Variants in CALD1 observed in about 807,000 individuals in gnomAD.
The protein encoded by CALD1 is caldesmon.
In CALD1, 33 loss-of-function variants were observed where a neutral mutation model predicts 99.9. The observed-to-expected ratio is 0.33, with a 90% CI of 0.25 to 0.44. CALD1 has a LOEUF of 0.44. CALD1 is among the 20% of genes least tolerant of loss of function. The pLI, the probability that CALD1 is intolerant of heterozygous loss-of-function variation, is 1.00. For missense variants in CALD1, 861 were observed against 962.1 expected, an observed-to-expected ratio of 0.89 and a Z score of 1.39; for synonymous variants, 310 against 325.0, an observed-to-expected ratio of 0.95 and a Z score of 0.50.
the CALD1 span, among the ~76,000 whole-genome samples, chr7:134,727,765 C>G: frequency 1.3e-5 from 2 of 152,172 alleles, no homozygotes; most frequent in African/African-American, 4.8e-5. Context: ...CTCCTGACTT[C>G]TCACATAGTA....
At chr7:134,956,706 G>A (rs1184001404) in intron 9 of CALD1, among the ~76,000 whole-genome samples, 3 of 152,142 alleles carry the variant, frequency 2.0e-5, no homozygotes, top group East Asian at 1.9e-4. Context: ...AAACATACTA[G>A]CCTAGGGCAA....
intron 3 of CALD1, among the ~76,000 whole-genome samples, chr7:134,886,482 T>C (rs1199587500): frequency 6.6e-6 from 1 of 152,224 alleles, no homozygotes; most frequent in Non-Finnish European, 1.5e-5. Flanking sequence ...AAAATGATGT[T>C]AGGATGTGTT....
At chr7:134,770,485 C>T (rs1029043220) in intron 1 of CALD1, among the ~76,000 whole-genome samples, 1 of 152,082 alleles carries the variant, frequency 6.6e-6, no homozygotes, top group Non-Finnish European at 1.5e-5. Flanking sequence ...TTCTAGGGGT[C>T]ACTGGCAAGC....
intron 1 of CALD1, among the ~76,000 whole-genome samples, chr7:134,787,593 C>T (rs1797355401): frequency 6.6e-6 from 1 of 152,140 alleles, no homozygotes; most frequent in Admixed American, 6.5e-5. Flanking sequence ...AGATGCTTCC[C>T]TGGGTGGCCC....
intron 7 of CALD1, among the ~76,000 whole-genome samples, chr7:134,943,352 G>A (rs1272024135): frequency 6.6e-6 from 1 of 152,152 alleles, no homozygotes; most frequent in Non-Finnish European, 1.5e-5. Flanking sequence ...TCCACATTAA[G>A]TGGCACCCTA....
At chr7:134,936,744 C>T (rs1465256243) in intron 6 of CALD1, among the ~76,000 whole-genome samples, 1 of 151,954 alleles carries the variant, frequency 6.6e-6, no homozygotes, top group Non-Finnish European at 1.5e-5. Context: ...AAATGAAAAC[C>T]CCTAGTTCAT....
chr7:134,967,303 G>C (rs2718144), intron 14 of CALD1, among the ~76,000 whole-genome samples: 106,230 of 151,848 alleles, frequency 0.7, 37,639 homozygotes, highest in African/African-American at 0.8. Flanking sequence ...CCACCAGACC[G>C]AGAACTGAGT....
At chr7:134,801,085 C>A (rs916108772) in intron 1 of CALD1, among the ~76,000 whole-genome samples, 1 of 151,954 alleles carries the variant, frequency 6.6e-6, no homozygotes, top group Non-Finnish European at 1.5e-5. Context: ...TCTTCTTTCC[C>A]ATGTGTATTC....
chr7:134,815,219 A>C (rs1798514496), intron 1 of CALD1, among the ~76,000 whole-genome samples: 1 of 151,992 alleles, frequency 6.6e-6, no homozygotes, highest in African/African-American at 2.4e-5. Flanking sequence ...AACCCAACAC[A>C]CACTAATATG....
chr7:134,933,905 A>G lies in CALD1; in HGVS notation c.1136A>G (p.Glu379Gly). Residue 379 changes from glutamate to glycine, a missense_variant, in exon 5 of 15, where the codon GAG (glutamate) becomes GGG (glycine). Physicochemically the swap from Glu to Gly is moderately conservative, Grantham distance 98. Transcript: ENST00000361675. ...CAAAGGGCCAGGGCAGAGGAGGAAG[A>G]GAAGGCTAAGGTAGAAGAGCAGAAA... ...ERQRARAEEE[E>G]KAKVEEQKRN... 6.2e-7 allele frequency: 1 copy of G among 1,614,000 alleles called. No individual in the cohort carries two copies. The highest frequency in any genetic ancestry group is 8.5e-7 in the Non-Finnish European group (1 of 1,179,896).
At chr7:134,746,231 C>T (rs1712402604) in intron 1 of CALD1, among the ~76,000 whole-genome samples, 1 of 152,138 alleles carries the variant, frequency 6.6e-6, no homozygotes, top group South Asian at 2.1e-4. Flanking sequence ...AGGGCCAATT[C>T]CCTCATGAAT....
intron 3 of CALD1, among the ~76,000 whole-genome samples, chr7:134,917,721 TA>T (rs1021423514): frequency 6.6e-6 from 1 of 152,190 alleles, no homozygotes; most frequent in African/African-American, 2.4e-5. Context: ...GAAGAAAAGG[TA>T]AAGTTCATGA....
Position 134,960,539 on chromosome 7 carries a change from G to T in CALD1, c.2206G>T (p.Ala736Ser). The change falls in exon 13 of 15, where the codon GCT becomes TCT. Residue 736 changes from alanine to serine, a missense_variant. Around this residue, in one of 5 missense-constraint regions of CALD1, gnomAD observed 190 missense variants for 249.0 expected, o/e 0.76. Transcript: ENST00000361675. ...TAAGTPNKETAGLKVGVSSRI... is the reference protein window; with the variant it reads ...TAAGTPNKETSGLKVGVSSRI... ...GATGATTGCCCCTTTGTAGGAAACT[G>T]CTGGCTTGAAGGTAGGGGTTTCTAG... 1.9e-6 allele frequency: 3 copies of T among 1,608,558 alleles called. No homozygotes were observed. The highest frequency in any genetic ancestry group is 2.6e-6 in the Non-Finnish European group (3 of 1,175,038).
chr7:134,859,615 A>G (rs974529249), intron 2 of CALD1, among the ~76,000 whole-genome samples: 6 of 152,220 alleles, frequency 3.9e-5, no homozygotes, highest in Admixed American at 1.3e-4. Flanking sequence ...ACTGATTTGT[A>G]GTGGTTAAGG....
intron 2 of CALD1, among the ~76,000 whole-genome samples, chr7:134,867,449 C>A (rs576803847): frequency 6.6e-6 from 1 of 152,232 alleles, no homozygotes; most frequent in South Asian, 2.1e-4. Flanking sequence ...CTCTCTGTCT[C>A]CGGAGGTCTT....
At chr7:134,803,220 C>T (rs73446180) in intron 1 of CALD1, among the ~76,000 whole-genome samples, 39 of 152,150 alleles carry the variant, frequency 2.6e-4, no homozygotes, top group African/African-American at 9.2e-4. Flanking sequence ...CTTGCCCAAT[C>T]TTTAAATTAA....
chr7:134,968,119 C>G (rs541469398), intron 14 of CALD1, among the ~76,000 whole-genome samples: 2 of 152,228 alleles, frequency 1.3e-5, no homozygotes, highest in Admixed American at 6.5e-5. Flanking sequence ...TGCACTCCAG[C>G]CTGGGTGACA....
intron 9 of CALD1, among the ~76,000 whole-genome samples, chr7:134,956,648 T>G (rs1355883818): frequency 6.6e-6 from 1 of 152,186 alleles, no homozygotes. Flanking sequence ...ACCCAGTCTA[T>G]GGTAATTTCT....
Position 134,942,038 on chromosome 7 carries a change from G to A in CALD1, c.1532+801G>A, listed in dbSNP as rs1013773548. On this transcript the variant is annotated intron_variant, in intron 7 of 14. Coordinates refer to ENST00000361675, the MANE Select transcript of CALD1 (RefSeq NM_033138.4). ...GAGGTGCAGACACTGGGCTGGCTAC[G>A]TGATTCCTGTGCTCCTTCCCCACAA... is the stretch of plus-strand genomic sequence containing the variant. 2.6e-5 allele frequency among the ~76,000 whole-genome samples: 4 copies of A among 152,140 alleles called. No individual in the cohort carries two copies. In the South Asian group the frequency reaches 6.2e-4, roughly 24 times the overall value.
Sources: gnomAD v4.1 joint callset for allele counts (sites outside exome capture counted in the v4.1 genomes callset) on GRCh38, gnomAD v4.1.1 for gene constraint, gnomAD v4.1.1 regional missense constraint, MANE v1.5 for transcripts, NCBI Gene and HGNC (gene_info 2026-07-23, HGNC 2026-07-21) for gene names.